Variants in MANBA observed in about 807,000 individuals in gnomAD.
MANBA encodes mannosidase beta, also known as beta-mannosidase.
In MANBA, 83 loss-of-function variants were observed where a neutral mutation model predicts 111.1. The ratio of observed to expected loss-of-function variants is 0.75; its 90% confidence interval spans 0.63 to 0.90. The LOEUF (loss-of-function observed/expected upper bound fraction) is 0.90. MANBA is among the 40% of genes least tolerant of loss of function. MANBA has a pLI of 0.00. For synonymous variants in MANBA, 370 were observed against 378.7 expected (o/e 0.98, Z 0.27); for missense variants, 1,036 against 1,069.0 (o/e 0.97, Z 0.43).
chr4:102,660,322 C>T (rs1339904084), intron 11 of MANBA, among the ~76,000 whole-genome samples: 1 of 152,072 alleles, frequency 6.6e-6, no homozygotes, highest in Non-Finnish European at 1.5e-5. Flanking sequence ...GACTCCACTA[C>T]CTATGACCTC....
intron 5 of MANBA, among the ~76,000 whole-genome samples, chr4:102,702,170 C>T (rs1325314609): frequency 2.0e-5 from 3 of 151,806 alleles, no homozygotes. Flanking sequence ...GAGGCTTCTG[C>T]ATTCTTCACG....
intron 1 of MANBA, chr4:102,727,717 C>A: frequency 1.0e-6 from 1 of 1,000,126 alleles, no homozygotes; most frequent in Non-Finnish European, 1.6e-6. Flanking sequence ...GTTGTGTTTT[C>A]AGAGATGGTG....
chr4:102,740,150 G>A (rs1179328213), intron 1 of MANBA, among the ~76,000 whole-genome samples: 1 of 152,040 alleles, frequency 6.6e-6, no homozygotes, highest in Non-Finnish European at 1.5e-5. Flanking sequence ...CACCAACAGC[G>A]ACCAAGCTGA....
In MANBA at chr4:102,728,983, G is replaced by A. The variant is rs778824327; in HGVS notation, c.178-2300C>T. 6.3e-5 allele frequency: 58 copies of A among 916,604 alleles called. No homozygotes were observed. In the African/African-American group the frequency reaches 8.3e-4, roughly 13 times the overall value. The allele number at this position is 916,604 out of a possible 1,614,324, so 56.8% of individuals were successfully genotyped here. ...TCCCAGAGTCCAGCTGGCTCTCCTC[G>A]CCCTCCAGCAGCTTCCTGTAGGTGG... On this transcript the variant is annotated intron_variant, in intron 1 of 16. Transcript: ENST00000647097.
chr4:102,734,334 C>T, intron 1 of MANBA: 2 of 1,598,470 alleles, frequency 1.3e-6, no homozygotes, highest in Non-Finnish European at 8.5e-7. Flanking sequence ...CAGAAGAGAC[C>T]TCAGGCAGCA....
chr4:102,680,979 G>A (rs1334114588), intron 7 of MANBA, among the ~76,000 whole-genome samples: 2 of 152,080 alleles, frequency 1.3e-5, no homozygotes, highest in East Asian at 3.9e-4. Context: ...TCACACATTT[G>A]ATCTCTGTTT....
intron 4 of MANBA, 57 bp downstream of exon 4, chr4:102,722,814 T>C (rs1722635231): frequency 1.3e-6 from 2 of 1,545,456 alleles, no homozygotes; most frequent in Admixed American, 1.7e-5. Flanking sequence ...AAGCATTTCA[T>C]ATGCCAGCAC....
intron 13 of MANBA, among the ~76,000 whole-genome samples, chr4:102,645,319 T>A (rs1730056220): frequency 6.6e-6 from 1 of 152,042 alleles, no homozygotes; most frequent in Non-Finnish European, 1.5e-5. Context: ...AGTCTGTAGG[T>A]TGCTTTTCAT....
Position 102,726,658 on chromosome 4 carries a change from A to C in MANBA, c.203T>G (p.Leu68Arg). The change falls in exon 2 of 17, where the codon CTT becomes CGT. Residue 68 changes from leucine to arginine, a missense_variant. Physicochemically the swap from Leu to Arg is moderately radical, Grantham distance 102 (BLOSUM62 -2). Transcript: ENST00000647097. ...IQDSYYRFND[L>R]NYRWVSLDNW... Reference sequence around the variant, plus strand: ...ATCCAAAGAGACCCATCTGTAGTTAAGGTCATTAAATCTGTAGTAAGAATC... The same window carrying C: ...ATCCAAAGAGACCCATCTGTAGTTACGGTCATTAAATCTGTAGTAAGAATC... The C allele has an allele frequency of 6.4e-7, 1 of 1,565,120 alleles. No individual in the cohort carries two copies. The highest frequency in any genetic ancestry group is 1.1e-5 in the South Asian group (1 of 89,696).
At chr4:102,744,682 T>C (rs1472640965) in intron 1 of MANBA, among the ~76,000 whole-genome samples, 1 of 152,236 alleles carries the variant, frequency 6.6e-6, no homozygotes, top group Non-Finnish European at 1.5e-5. Flanking sequence ...TGGTTAAGTT[T>C]ACAACAATCC....
At position 102,664,788 on chromosome 4, in the gene MANBA, G is replaced by A. The variant is rs775701916; in HGVS notation, c.1382C>T (p.Ala461Val). ...IWSGNNENEE[A>V]LMMNWYHISF... Reference sequence around the variant, plus strand: ...GATATGATACCAATTCATCATCAGCGCCTCCTCATTTTCATTATTGCCACT... The same window carrying A: ...GATATGATACCAATTCATCATCAGCACCTCCTCATTTTCATTATTGCCACT... The change falls in exon 11 of 17, where the codon GCG becomes GTG. Residue 461 changes from alanine to valine, a missense_variant. Transcript: ENST00000647097. 1.2e-5 allele frequency: 20 copies of A among 1,609,440 alleles called. No homozygotes were observed. Among genetic ancestry groups the A allele is most frequent in the East Asian group, 6.7e-5 (3 of 44,870 alleles).
rs1729780491 is a variant in MANBA at position 102,639,706 on chromosome 4, T to C, written c.2014+7A>G. ...CTCACTCGCACAAAGAACGCTGAAA[T>C]GCTTACCAAGAGAAGCCCAGGAAGG... On this transcript the variant is annotated splice_region_variant and intron_variant, in intron 14 of 16. Coordinates refer to ENST00000647097, the MANE Select transcript of MANBA (RefSeq NM_005908.4). 2 of 1,613,996 alleles carry C rather than the reference T, an allele frequency of 1.2e-6. No individual in the cohort carries two copies. The highest frequency in any genetic ancestry group is 1.1e-5 in the South Asian group (1 of 91,088).
intron 7 of MANBA, among the ~76,000 whole-genome samples, chr4:102,678,805 G>A (rs72940752): frequency 0.044 from 6,649 of 152,184 alleles, 465 homozygotes; most frequent in African/African-American, 0.15. Flanking sequence ...TAAGAGGTAC[G>A]TGACTGATAA....
chr4:102,664,939 G>C (rs1731155116), intron 10 of MANBA, 87 bp from the exon 11 acceptor site: 1 of 1,038,028 alleles, frequency 9.6e-7, no homozygotes, highest in Admixed American at 2.1e-5. Context: ...TAAAGCCCTT[G>C]CATTTCTGCA....
rs73836834 is a variant in MANBA, at chr4:102,687,039, T to C, written c.960+2535A>G. Among the ~76,000 whole-genome samples the C allele has an allele frequency of 9.2e-3, 1,393 of 152,232 alleles. 28 individuals are homozygous for C. The highest frequency in any genetic ancestry group is 0.032 in the African/African-American group (1,323 of 41,554). On this transcript the variant is annotated intron_variant, in intron 7 of 16. Transcript: ENST00000647097. ...ACTGAAATAATTTCCACCCAACCCC[T>C]TCCCCCAAACCTTCTCTTCTTTCTG...
intron 1 of MANBA, chr4:102,754,014 A>AG: frequency 2.8e-6 from 1 of 355,314 alleles, no homozygotes; most frequent in Non-Finnish European, 5.6e-6. Flanking sequence ...AAAAAAAAAA[A>AG]AAAGAAAAAA....
rs937043521 is a variant in MANBA, at chr4:102,734,424, T to C, written c.178-7741A>G. Reference sequence around the variant, plus strand: ...GCCCACTTTCCTGGAGAACCTGCTATGGTACGGACTCTTCCTGGGAGCCAT... The same window carrying C: ...GCCCACTTTCCTGGAGAACCTGCTACGGTACGGACTCTTCCTGGGAGCCAT... On this transcript the variant is annotated intron_variant, in intron 1 of 16. Coordinates refer to ENST00000647097, the MANE Select transcript of MANBA (RefSeq NM_005908.4). The C allele has an allele frequency of 3.1e-6, 5 of 1,608,508 alleles. No individual in the cohort carries two copies. The Admixed American group carries it at 6.7e-5, about 21-fold the overall frequency.
chr4:102,645,338 T>C (rs892361803), intron 13 of MANBA, among the ~76,000 whole-genome samples: 2 of 152,018 alleles, frequency 1.3e-5, no homozygotes, highest in Non-Finnish European at 1.5e-5. Context: ...ATGAGATATG[T>C]TTGTCTGGTT....
chr4:102,753,898 C>T lies in MANBA; in HGVS notation c.177+6820G>A, dbSNP rs114828765. 8.9e-3 allele frequency: 3,864 copies of T among 433,026 alleles called. 92 individuals are homozygous for T. The highest frequency in any genetic ancestry group is 0.055 in the African/African-American group (2,612 of 47,560). 26.8% of individuals were successfully genotyped at this position (433,026 alleles called of 1,614,324 possible). A position where few individuals can be genotyped will look rare whatever the true frequency, so the allele number is the denominator to read the frequency against. On this transcript the variant is annotated intron_variant, in intron 1 of 16. Transcript: ENST00000647097. ...AGGAGATCGAGACCAGCTTGAGCAA[C>T]ACGGTGAGACCATGAGAATCGCTTG...
Sources: gnomAD v4.1 joint callset for allele counts (sites outside exome capture counted in the v4.1 genomes callset) on GRCh38, gnomAD v4.1.1 for gene constraint, MANE v1.5 for transcripts, NCBI Gene and HGNC (gene_info 2026-07-23, HGNC 2026-07-21) for gene names.